Variants in RBFOX1 observed in about 807,000 individuals in gnomAD.
RBFOX1 encodes the protein RNA binding fox-1 homolog 1.
RBFOX1 carries 8 observed loss-of-function variants against 57.7 expected under a neutral mutation model. That is an observed-to-expected ratio of 0.14 (90% confidence interval 0.08 to 0.25). The LOEUF is 0.25. Ranked by LOEUF, RBFOX1 falls within the 10% of genes least tolerant of loss-of-function variation. The pLI is 1.00. For missense variants in RBFOX1, 611 were observed against 548.5 expected (o/e 1.11, Z -1.14); for synonymous variants, 326 against 222.4 (o/e 1.47, Z -4.15).
chr16:7,432,657 G>A (rs1260509566), intron 4 of RBFOX1, among the ~76,000 whole-genome samples: 1 of 152,200 alleles, frequency 6.6e-6, no homozygotes, highest in African/African-American at 2.4e-5. Context: ...GGGGGTAACT[G>A]TGTTCTAATA....
chr16:7,435,896 A>G (rs1013593662), intron 4 of RBFOX1, among the ~76,000 whole-genome samples: 4 of 152,230 alleles, frequency 2.6e-5, no homozygotes, highest in African/African-American at 9.6e-5. Context: ...GTGTTTTCCC[A>G]TGGAAATGAC....
At chr16:5,840,763 C>T (rs2056600782) in intron 3 of RBFOX1, among the ~76,000 whole-genome samples, 1 of 152,106 alleles carries the variant, frequency 6.6e-6, no homozygotes, top group South Asian at 2.1e-4. Flanking sequence ...CCTGTGTGAT[C>T]CACCTGGGGA....
chr16:5,387,849 C>A (rs115723591), intron 1 of RBFOX1, among the ~76,000 whole-genome samples: 1 of 152,092 alleles, frequency 6.6e-6, no homozygotes, highest in African/African-American at 2.4e-5. Flanking sequence ...ATTGTCCCAG[C>A]GGGATTGATG....
At position 5,317,757 on chromosome 16, in the gene RBFOX1, A is replaced by T. The variant is rs376472939; in HGVS notation, c.219+77652A>T. ...GGCATTGCTTTGCGTTTCTTCTTGTAAAATTGTAGTTAAGTATATATAACA... is the reference window on the plus strand; with the variant it reads ...GGCATTGCTTTGCGTTTCTTCTTGTTAAATTGTAGTTAAGTATATATAACA... On this transcript the variant is annotated intron_variant, in intron 1 of 2. Coordinates refer to the RBFOX1 transcript ENST00000585867. 2.0e-4 allele frequency among the ~76,000 whole-genome samples: 30 copies of T among 152,328 alleles called. 1 individual carries two copies. The South Asian group carries it at 6.2e-3, about 32-fold the overall frequency.
Position 6,019,755 on chromosome 16 carries a change from G to A in RBFOX1, c.-364G>A. 7.2e-7 allele frequency: 1 copy of A among 1,391,364 alleles called. No individual in the cohort carries two copies. The highest frequency in any genetic ancestry group is 2.8e-5 in the East Asian group (1 of 36,244). The allele number at this position is 1,391,364 out of a possible 1,614,324, so 86.2% of individuals were successfully genotyped here. On this transcript the variant is annotated 5_prime_UTR_variant, in exon 1 of 16. Transcript: ENST00000550418. This position sits in a 1 kb window ranked among gnomAD's most constrained non-coding sequence, Gnocchi z 4.2. ...CGGGATTGAGAGTCCTTGCGCTCCA[G>A]ACCCCCACCCAGTGGCCGCCAGGGT... is the stretch of plus-strand genomic sequence containing the variant.
At position 7,369,453 on chromosome 16, in the gene RBFOX1, C is replaced by T. The variant is rs562008544; in HGVS notation, c.28-148694C>T. On this transcript the variant is annotated intron_variant, in intron 4 of 15. Transcript: ENST00000550418. ...TCATCTGTTTGGATGGATATGTTCA[C>T]GCATGGAACCAAGATGAATAATAAT... Among the ~76,000 whole-genome samples the T allele has an allele frequency of 3.9e-5, 6 of 152,216 alleles. No homozygotes were observed. In the East Asian group the frequency reaches 5.8e-4, roughly 15 times the overall value.
At chr16:7,559,784 C>T (rs2089864198) in intron 5 of RBFOX1, among the ~76,000 whole-genome samples, 1 of 152,180 alleles carries the variant, frequency 6.6e-6, no homozygotes, top group African/African-American at 2.4e-5. Context: ...TATCCAGGCA[C>T]TTAGGAGTTT....
intron 3 of RBFOX1, among the ~76,000 whole-genome samples, chr16:6,773,170 T>TGTG (rs2078675543): frequency 3.9e-5 from 1 of 25,494 alleles, no homozygotes; most frequent in Non-Finnish European, 6.2e-5. Context: ...TGGGGTGCAT[T>TGTG]TGTGTGTGTG....
intron 1 of RBFOX1, among the ~76,000 whole-genome samples, chr16:5,383,214 AG>A (rs2066172695): frequency 6.6e-6 from 1 of 152,188 alleles, no homozygotes; most frequent in Non-Finnish European, 1.5e-5. Flanking sequence ...CAGGAGGAGT[AG>A]GGGGCAACCT....
At chr16:6,715,583 A>C (rs1236387003) in intron 3 of RBFOX1, among the ~76,000 whole-genome samples, 1 of 152,154 alleles carries the variant, frequency 6.6e-6, no homozygotes, top group Non-Finnish European at 1.5e-5. Flanking sequence ...AAGAGCTAAG[A>C]ATCCAGATTG....
intron 4 of RBFOX1, among the ~76,000 whole-genome samples, chr16:7,093,041 T>A (rs879740426): frequency 9.2e-5 from 14 of 152,360 alleles, no homozygotes; most frequent in Non-Finnish European, 1.8e-4. Context: ...TTTCGTTTTT[T>A]ATTCCAAAGT....
At chr16:6,228,812 CA>C (rs1341209330) in intron 1 of RBFOX1, among the ~76,000 whole-genome samples, 1 of 152,050 alleles carries the variant, frequency 6.6e-6, no homozygotes, top group African/African-American at 2.4e-5. Context: ...TGTTCTCACA[CA>C]AAACACAAGG....
At chr16:7,630,896 A>G (rs900667465) in intron 11 of RBFOX1, among the ~76,000 whole-genome samples, 79 of 150,378 alleles carry the variant, frequency 5.3e-4, no homozygotes, top group Middle Eastern at 3.2e-3. Context: ...ATTGGGTCCA[A>G]TGGTTGGGAA....
intron 2 of RBFOX1, among the ~76,000 whole-genome samples, chr16:6,641,838 C>G (rs1235233952): frequency 6.6e-6 from 1 of 151,316 alleles, no homozygotes; most frequent in Non-Finnish European, 1.5e-5. Context: ...GCTCCCTCCT[C>G]GCTAACGTGT....
chr16:6,483,261 C>T (rs1419269680), intron 2 of RBFOX1: 2 of 1,304,418 alleles, frequency 1.5e-6, no homozygotes, highest in Non-Finnish European at 1.9e-6. Flanking sequence ...TTTGTGCGCG[C>T]CCGGGTGTTG....
Position 6,490,928 on chromosome 16 carries a change from T to G in RBFOX1, c.-63-163675T>G, listed in dbSNP as rs566154885. Among the ~76,000 whole-genome samples the G allele has an allele frequency of 3.9e-5, 6 of 152,268 alleles. No individual in the cohort carries two copies. The South Asian group carries it at 1.2e-3, about 32-fold the overall frequency. On this transcript the variant is annotated intron_variant, in intron 2 of 15. Transcript: ENST00000550418. Reference sequence around the variant, plus strand: ...TTTAATACAGTTCATTAAATTGGCTTTTGTGGAATACCTATTTCATCTAAG... The same window carrying G: ...TTTAATACAGTTCATTAAATTGGCTGTTGTGGAATACCTATTTCATCTAAG...
intron 1 of RBFOX1, among the ~76,000 whole-genome samples, chr16:5,282,084 T>C (rs953199812): frequency 2.0e-5 from 3 of 152,250 alleles, no homozygotes; most frequent in African/African-American, 2.4e-5. Context: ...TGGCGGCAGG[T>C]CTTTACCATG....
intron 3 of RBFOX1, among the ~76,000 whole-genome samples, chr16:7,024,270 G>A (rs1239006509): frequency 6.6e-6 from 1 of 152,112 alleles, no homozygotes; most frequent in East Asian, 1.9e-4. Context: ...AGACATGGTG[G>A]CTTTGACAAA....
At chr16:6,843,505 T>A (rs543165115) in intron 3 of RBFOX1, among the ~76,000 whole-genome samples, 83 of 152,014 alleles carry the variant, frequency 5.5e-4, no homozygotes, top group Middle Eastern at 3.4e-3. Flanking sequence ...TGGCTAACAC[T>A]GTGAAACCCC....
Sources: allele counts gnomAD v4.1 joint callset (sites outside exome capture counted in the v4.1 genomes callset), GRCh38; gene constraint gnomAD v4.1.1; non-coding constraint Gnocchi (gnomAD v3.1); transcripts MANE v1.5; gene names NCBI Gene and HGNC (gene_info 2026-07-23, HGNC 2026-07-21).